GPATCH8: variants seen among roughly 807,000 people sequenced by gnomAD.
GPATCH8 encodes the protein G patch domain-containing protein 8.
GPATCH8 carries 18 observed loss-of-function variants against 118.3 expected under a neutral mutation model. The ratio of observed to expected loss-of-function variants is 0.15; its 90% confidence interval spans 0.11 to 0.23. The LOEUF is 0.23. Ranked by LOEUF, GPATCH8 falls within the 10% of genes least tolerant of loss-of-function variation. The pLI, the probability that GPATCH8 is intolerant of heterozygous loss-of-function variation, is 1.00. For synonymous variants in GPATCH8, 659 were observed against 684.7 expected, an observed-to-expected ratio of 0.96 and a Z score of 0.59; for missense variants, 1,631 against 1,873.8, an observed-to-expected ratio of 0.87 and a Z score of 2.39.
At position 44,399,477 on chromosome 17, in the gene GPATCH8, C is replaced by CGGGAGGAACGAT; in HGVS notation, c.2588_2599dup (p.His863_Ser866dup). ...ATCTGAGCTACTTGAGTAAGAACGC[C>CGGGAGGAACGAT]GGGAGGAACGATGCGAGGAATGGCG... On this transcript the variant is annotated inframe_insertion, in exon 8 of 8. Coordinates refer to ENST00000591680, the MANE Select transcript of GPATCH8 (RefSeq NM_001002909.4). The CGGGAGGAACGAT allele has an allele frequency of 6.2e-7, 1 of 1,614,164 alleles. No homozygotes were observed. Among genetic ancestry groups the CGGGAGGAACGAT allele is most frequent in the Non-Finnish European group, 8.5e-7 (1 of 1,180,030 alleles).
chr17:44,401,065 TC>T lies in GPATCH8; in HGVS notation c.1011del (p.Ser338ValfsTer9). On this transcript the variant is annotated frameshift_variant, in exon 8 of 8. Coordinates refer to ENST00000591680, the MANE Select transcript of GPATCH8 (RefSeq NM_001002909.4). LOFTEE classifies it high-confidence loss of function. ...TSEDGTKPDE[K>X]SSDQGLQKVG... ...ACCTTCTGCAGTCCTTGGTCAGAAC[TC>T]TTCTCATCGGGTTTTGTTCCATCTT... The T allele has an allele frequency of 6.2e-7, 1 of 1,614,190 alleles. No homozygotes were observed.
At chr17:44,482,521 C>CCGAGATCA (rs1454150658) in intron 1 of GPATCH8, among the ~76,000 whole-genome samples, 1 of 147,666 alleles carries the variant, frequency 6.8e-6, no homozygotes, top group Non-Finnish European at 1.5e-5. Context: ...CTGCAGTGAG[C>CCGAGATCA]CGAGATCACA....
chr17:44,399,786 C>T lies in GPATCH8; in HGVS notation c.2291G>A (p.Gly764Glu), dbSNP rs1219374257. 5 of 1,613,660 alleles carry T rather than the reference C, an allele frequency of 3.1e-6. 1 individual carries two copies. In the East Asian group the frequency reaches 8.9e-5, roughly 29 times the overall value. The change falls in exon 8 of 8, where the codon GGG (glycine) becomes GAG (glutamate). Residue 764 changes from glycine (G) to glutamate (E), a missense_variant. Gly to Glu is a moderately conservative substitution (Grantham distance 98). This residue lies in a region of GPATCH8 where 922 missense variants were observed against 879.7 expected (regional missense o/e 1.05). Transcript: ENST00000591680. ...SQRRSLPAEE[G>E]SSGKKDEGGG... ...ACCTTCATCCTTTTTGCCACTGCTC[C>T]CCTCTTCAGCTGGGAGGGATCTCCG... is the stretch of plus-strand genomic sequence containing the variant.
intron 6 of GPATCH8, among the ~76,000 whole-genome samples, chr17:44,414,129 GTATA>G (rs57203975): frequency 0.11 from 4,639 of 42,972 alleles, 248 homozygotes; most frequent in African/African-American, 0.19. Flanking sequence ...ATATATATGT[GTATA>G]TATATATATG....
At chr17:44,437,946 A>G (rs1377072311) in intron 3 of GPATCH8, among the ~76,000 whole-genome samples, 6 of 91,510 alleles carry the variant, frequency 6.6e-5, no homozygotes, top group Admixed American at 1.2e-4. Context: ...CTCATGTCAG[A>G]AAAAAAAAAA....
At chr17:44,463,299 A>G (rs938923238) in intron 3 of GPATCH8, among the ~76,000 whole-genome samples, 3 of 152,214 alleles carry the variant, frequency 2.0e-5, no homozygotes, top group Admixed American at 2.0e-4. Flanking sequence ...TCAAAGAATT[A>G]GTCAACAGTA....
chr17:44,429,089 C>G (rs1398267657), intron 5 of GPATCH8, among the ~76,000 whole-genome samples: 1 of 151,656 alleles, frequency 6.6e-6, no homozygotes, highest in African/African-American at 2.4e-5. Context: ...TGCAGTGAGC[C>G]GAGATGGCGC....
chr17:44,487,895 T>C (rs1968905910), intron 1 of GPATCH8, among the ~76,000 whole-genome samples: 1 of 152,162 alleles, frequency 6.6e-6, no homozygotes, highest in African/African-American at 2.4e-5. Context: ...TTTATGTTTT[T>C]GTGTTAACGT....
intron 2 of GPATCH8, among the ~76,000 whole-genome samples, chr17:44,469,783 A>G (rs1967124625): frequency 1.3e-5 from 2 of 152,212 alleles, no homozygotes; most frequent in Admixed American, 1.3e-4. Context: ...CTAGAGAGAA[A>G]AGCCATATAG....
rs1284350052 is a variant in GPATCH8 at position 44,483,177 on chromosome 17, ATATATATATATAT to A, written c.46-8287_46-8275del. Among the ~76,000 whole-genome samples the A allele has an allele frequency of 3.7e-3, 26 of 6,968 alleles. 2 individuals are homozygous for A. The highest frequency in any genetic ancestry group is 0.015 in the East Asian group (3 of 206). The allele number at this position is 6,968 out of a possible 152,430, so 4.6% of individuals were successfully genotyped here. A position where few individuals can be genotyped will look rare whatever the true frequency, so the allele number is the denominator to read the frequency against. ...CTCAAAAAAAAAAAAAAAAAAAAAA[ATATATATATATAT>A]ATATATATATATATATATATATATA... On this transcript the variant is annotated intron_variant, in intron 1 of 7. Coordinates refer to ENST00000591680, the MANE Select transcript of GPATCH8 (RefSeq NM_001002909.4).
At position 44,396,675 on chromosome 17, in the gene GPATCH8, G is replaced by A. The variant is rs567921280; in HGVS notation, c.*893C>T. 62 of 444,604 alleles carry A rather than the reference G, an allele frequency of 1.4e-4. No homozygotes were observed. Among genetic ancestry groups the A allele is most frequent in the Non-Finnish European group, 1.9e-4 (42 of 224,498 alleles). The allele number at this position is 444,604 out of a possible 1,614,324, so 27.5% of individuals were successfully genotyped here. A position where few individuals can be genotyped will look rare whatever the true frequency, so the allele number is the denominator to read the frequency against. On this transcript the variant is annotated 3_prime_UTR_variant, in exon 8 of 8. Transcript: ENST00000591680. ...ACGAGGATCACTTAAAGAGCTGGAT[G>A]TAAAAAATATTATTGCAGTATACTA...
intron 6 of GPATCH8, among the ~76,000 whole-genome samples, chr17:44,419,825 G>A (rs2049829420): frequency 6.6e-6 from 1 of 152,050 alleles, no homozygotes; most frequent in South Asian, 2.1e-4. Context: ...TGCACCCAGT[G>A]GGTTCCTCAG....
At chr17:44,447,174 T>A (rs1598513180) in intron 3 of GPATCH8, among the ~76,000 whole-genome samples, 2 of 145,896 alleles carry the variant, frequency 1.4e-5, no homozygotes, top group East Asian at 2.1e-4. Context: ...TTTTTTTTTT[T>A]AAGACAGTCT....
chr17:44,454,960 C>CAG (rs769633140), intron 3 of GPATCH8, among the ~76,000 whole-genome samples: 8 of 152,152 alleles, frequency 5.3e-5, no homozygotes, highest in Non-Finnish European at 1.2e-4. Context: ...TAGCAGGAAA[C>CAG]AGAGATTATA....
chr17:44,422,541 G>A (rs1231737493), intron 6 of GPATCH8, among the ~76,000 whole-genome samples: 3 of 151,798 alleles, frequency 2.0e-5, no homozygotes, highest in African/African-American at 7.3e-5. Context: ...CCAGGCTGGA[G>A]TGCAGTGGTG....
At chr17:44,502,997 G>A (rs1296455758) in intron 1 of GPATCH8, among the ~76,000 whole-genome samples, 1 of 152,200 alleles carries the variant, frequency 6.6e-6, no homozygotes, top group Non-Finnish European at 1.5e-5. Context: ...TTGTCCCCTG[G>A]GAGCCAGCCC....
intron 1 of GPATCH8, among the ~76,000 whole-genome samples, chr17:44,477,156 T>C (rs940260031): frequency 3.3e-5 from 5 of 152,220 alleles, no homozygotes; most frequent in African/African-American, 4.8e-5. Flanking sequence ...TAAAATCTAA[T>C]GATGGGGAGC....
Position 44,400,768 on chromosome 17 carries a change from C to G in GPATCH8, c.1309G>C (p.Gly437Arg). The G allele has an allele frequency of 6.2e-7, 1 of 1,613,952 alleles. No homozygotes were observed. Among genetic ancestry groups the G allele is most frequent in the Non-Finnish European group, 8.5e-7 (1 of 1,179,852 alleles). Residue 437 changes from glycine to arginine, a missense_variant, in exon 8 of 8, where the codon GGC becomes CGC. By Grantham distance (125) the Gly-to-Arg change is moderately radical (BLOSUM62 -2). Transcript: ENST00000591680. ...HPKNAPESKK[G>R]SSPKPKSCIK... is the part of the protein sequence containing the mutation. ...CAGCTTTTAGGCTTGGGAGAACTGC[C>G]TTTTTTACTCTCTGGGGCATTCTTT...
Position 44,478,390 on chromosome 17 carries a change from CT to C in GPATCH8, c.46-3488del, listed in dbSNP as rs568680970. ...ATAAACCAGGCACAGTGGCTCATGC[CT>C]GTAATTCCAGCACTTCGGGAGGCTG... On this transcript the variant is annotated intron_variant, in intron 1 of 7. Coordinates refer to ENST00000591680, the MANE Select transcript of GPATCH8 (RefSeq NM_001002909.4). Among the ~76,000 whole-genome samples the C allele has an allele frequency of 3.0e-3, 454 of 152,256 alleles. 3 individuals carry two copies. The highest frequency in any genetic ancestry group is 0.011 in the African/African-American group (442 of 41,540).
Sources: allele counts gnomAD v4.1 joint callset (sites outside exome capture counted in the v4.1 genomes callset), GRCh38; gene constraint gnomAD v4.1.1; regional missense constraint gnomAD v4.1.1; transcripts MANE v1.5; gene names NCBI Gene and HGNC (gene_info 2026-07-23, HGNC 2026-07-21).